ZRANB1: variants seen among roughly 807,000 people sequenced by gnomAD.
ZRANB1 encodes ubiquitin thioesterase ZRANB1.
A neutral mutation model predicts 80.5 loss-of-function variants in ZRANB1; 16 were observed. That is an observed-to-expected ratio of 0.20 (90% CI 0.13 to 0.30). The LOEUF (loss-of-function observed/expected upper bound fraction) is 0.30, where lower values mean the gene tolerates loss of function less well. ZRANB1 is among the 10% of genes least tolerant of loss of function. ZRANB1 has a pLI of 1.00. For synonymous variants in ZRANB1, 291 were observed against 293.1 expected, an observed-to-expected ratio of 0.99 and a Z score of 0.07; for missense variants, 576 against 862.6, an observed-to-expected ratio of 0.67 and a Z score of 4.16.
the ZRANB1 span, among the ~76,000 whole-genome samples, chr10:124,933,221 C>G: frequency 0.093 from 5,568 of 60,126 alleles, 320 homozygotes; most frequent in African/African-American, 0.19. Flanking sequence ...ACTGCAACGT[C>G]CACCTCCCAG....
chr10:124,920,784 C>G, the ZRANB1 span, among the ~76,000 whole-genome samples: 1 of 152,046 alleles, frequency 6.6e-6, no homozygotes. Flanking sequence ...TTTCAGTTAT[C>G]TTTTTATGTT....
In ZRANB1 at chr10:124,959,177, C is replaced by T. The variant is rs867116156; in HGVS notation, c.815-7417C>T. On this transcript the variant is annotated intron_variant, in intron 1 of 8. Coordinates refer to ENST00000359653, the MANE Select transcript of ZRANB1 (RefSeq NM_017580.3). ...TCCTAGAAGGAGCATAGAACCTAAT[C>T]TCATTAGGAGATTTGGAGAGGACTT... Among the ~76,000 whole-genome samples the T allele has an allele frequency of 3.3e-5, 5 of 152,148 alleles. No individual in the cohort carries two copies. The South Asian group carries it at 6.2e-4, about 19-fold the overall frequency.
the ZRANB1 span, among the ~76,000 whole-genome samples, chr10:124,932,279 AGAT>A: frequency 2.8e-5 from 4 of 144,148 alleles, no homozygotes; most frequent in Admixed American, 2.2e-4. Context: ...ACGGGTGTAA[AGAT>A]TTTTTTTTTT....
In ZRANB1 at chr10:124,983,684, A is replaced by T. The variant is rs1951963125; in HGVS notation, c.1904A>T (p.Gln635Leu). ...CTCCATGTGCACTTCCTTTCTGCTC[A>T]GGAGGTAAGCAGTTTCTCCTATGAA... The part of the protein sequence containing the change: ...KLLHVHFLSA[Q>L]ELGNEEQQEK... The change falls in exon 8 of 9, where the codon CAG becomes CTG. Residue 635 changes from glutamine to leucine, a missense_variant. Around this residue, in one of 3 missense-constraint regions of ZRANB1, gnomAD observed 152 missense variants for 221.9 expected, o/e 0.69. Transcript: ENST00000359653. The surrounding 1 kb of genome is among the most constrained non-coding windows in gnomAD (Gnocchi z 6.2). 3 of 1,579,798 alleles carry T rather than the reference A, an allele frequency of 1.9e-6. No homozygotes were observed. Among genetic ancestry groups the T allele is most frequent in the African/African-American group, 1.3e-5 (1 of 74,440 alleles).
intron 5 of ZRANB1, among the ~76,000 whole-genome samples, chr10:124,976,863 C>T (rs572214756): frequency 2.2e-4 from 34 of 152,034 alleles, no homozygotes; most frequent in African/African-American, 7.5e-4. Flanking sequence ...TGAGCCACCG[C>T]GCCTGGCCTT....
upstream of ZRANB1, among the ~76,000 whole-genome samples, chr10:124,941,884 A>G (rs1444310976): frequency 2.6e-5 from 4 of 152,184 alleles, no homozygotes; most frequent in Admixed American, 2.0e-4. Flanking sequence ...TGTAGCCATT[A>G]CTTCTCAACA....
rs569253942 is a variant in ZRANB1, at chr10:124,954,027, G to A, written c.814+10720G>A. On this transcript the variant is annotated intron_variant, in intron 1 of 8. Coordinates refer to ENST00000359653, the MANE Select transcript of ZRANB1 (RefSeq NM_017580.3). ...GTTGCCCAGGCTGGAGTGCAGTGGC[G>A]TTGATCACAGCTCACTGCAGCCTCG... 9.9e-4 allele frequency among the ~76,000 whole-genome samples: 148 copies of A among 149,818 alleles called. 2 individuals carry two copies. The highest frequency in any genetic ancestry group is 4.4e-3 in the South Asian group (21 of 4,738).
Position 124,985,192 on chromosome 10 carries a change from C to G in ZRANB1, c.*200C>G. 2.1e-6 allele frequency: 1 copy of G among 485,334 alleles called. No individual in the cohort carries two copies. 30.1% of individuals were successfully genotyped at this position (485,334 alleles called of 1,614,324 possible). ...GAGGAGACAGAGAACTTTAGTTGGACTACAGTTTGTAAAAAAAACTAATTT... is the reference window on the plus strand; with the variant it reads ...GAGGAGACAGAGAACTTTAGTTGGAGTACAGTTTGTAAAAAAAACTAATTT... On this transcript the variant is annotated 3_prime_UTR_variant, in exon 9 of 9. Transcript: ENST00000359653.
chr10:124,932,802 A>T, the ZRANB1 span, among the ~76,000 whole-genome samples: 2 of 152,064 alleles, frequency 1.3e-5, no homozygotes, highest in African/African-American at 4.8e-5. Flanking sequence ...ACCTCAGGTG[A>T]TCAGCCCACC....
chr10:124,958,272 G>C (rs1284892785), intron 1 of ZRANB1, among the ~76,000 whole-genome samples: 1 of 152,158 alleles, frequency 6.6e-6, no homozygotes, highest in Non-Finnish European at 1.5e-5. Flanking sequence ...AAAAAACTTA[G>C]CTGGGTGTGG....
rs187204694 is a variant in ZRANB1, at chr10:124,968,947, T to C, written c.1002+2166T>C. Among the ~76,000 whole-genome samples the C allele has an allele frequency of 2.0e-4, 31 of 152,344 alleles. No homozygotes were observed. The East Asian group carries it at 2.1e-3, about 10-fold the overall frequency. On this transcript the variant is annotated intron_variant, in intron 2 of 8. Transcript: ENST00000359653. ...GTGAGGGTTAGAATCCAGGAGCTGC[T>C]TAGCTGAATAGTTTTGGCTCATGAT... is the stretch of plus-strand genomic sequence containing the variant.
the ZRANB1 span, among the ~76,000 whole-genome samples, chr10:124,933,302 A>G: frequency 6.6e-6 from 1 of 151,368 alleles, no homozygotes; most frequent in East Asian, 2.0e-4. Flanking sequence ...ATGCCCAGCT[A>G]ATTTTTTCGT....
intron 5 of ZRANB1, 134 bp from the exon 6 acceptor site, chr10:124,981,575 C>A: frequency 1.2e-6 from 1 of 843,914 alleles, no homozygotes. Context: ...AATACATTAC[C>A]AACCAGACAA....
the ZRANB1 span, among the ~76,000 whole-genome samples, chr10:124,926,269 C>T: frequency 3.3e-5 from 5 of 152,210 alleles, no homozygotes; most frequent in Admixed American, 2.6e-4. Context: ...AAATTTTCTT[C>T]AAAAATAAAT....
In ZRANB1 at chr10:124,988,030, G is replaced by GTAGAT. The variant is rs899310364; in HGVS notation, c.*3041_*3045dup. 6.6e-6 allele frequency: 1 copy of GTAGAT among 152,390 alleles called. No homozygotes were observed. Among genetic ancestry groups the GTAGAT allele is most frequent in the African/African-American group, 2.4e-5 (1 of 41,316 alleles). The allele number at this position is 152,390 out of a possible 1,614,324, so 9.4% of individuals were successfully genotyped here. A position where few individuals can be genotyped will look rare whatever the true frequency, so the allele number is the denominator to read the frequency against. On this transcript the variant is annotated 3_prime_UTR_variant, in exon 9 of 9. Transcript: ENST00000359653. ...CAGGTCCAGGTCATTTTGCTTTGGG[G>GTAGAT]TAGATTAAAGTCAGAACTCTAAAAG...
At chr10:124,921,974 A>AC in the ZRANB1 span, among the ~76,000 whole-genome samples, 1 of 152,000 alleles carries the variant, frequency 6.6e-6, no homozygotes, top group African/African-American at 2.4e-5. Context: ...AATTAAAAAA[A>AC]ATTTTTTTTG....
chr10:124,936,112 A>G, the ZRANB1 span, among the ~76,000 whole-genome samples: 1 of 151,996 alleles, frequency 6.6e-6, no homozygotes, highest in African/African-American at 2.4e-5. Context: ...CTTCATGTGT[A>G]TGTTGGGTGG....
chr10:124,963,554 G>GTTTTTTTTTTTTTTTTTTTT (rs760813299), intron 1 of ZRANB1, among the ~76,000 whole-genome samples: 17 of 57,514 alleles, frequency 3.0e-4, no homozygotes, highest in Admixed American at 4.8e-4. Flanking sequence ...TTTTTTGTTT[G>GTTTTTTTTTTTTTTTTTTTT]TTTTTTTTTT....
intron 1 of ZRANB1, among the ~76,000 whole-genome samples, chr10:124,955,376 C>G (rs1454439527): frequency 6.6e-6 from 1 of 151,948 alleles, no homozygotes; most frequent in East Asian, 2.0e-4. Flanking sequence ...GCTGTGATTA[C>G]AGGCATGAGC....
Sources: allele counts gnomAD v4.1 joint callset (sites outside exome capture counted in the v4.1 genomes callset), GRCh38; gene constraint gnomAD v4.1.1; regional missense constraint gnomAD v4.1.1; non-coding constraint Gnocchi (gnomAD v3.1); transcripts MANE v1.5; gene names NCBI Gene and HGNC (gene_info 2026-07-23, HGNC 2026-07-21).